The following CNBD1 variants were observed in gnomAD, a reference collection of about 807,000 sequenced individuals.
CNBD1 encodes cyclic nucleotide binding domain containing 1, also known as cyclic nucleotide-binding domain-containing protein 1.
Under a neutral mutation model 54.4 loss-of-function variants are expected in CNBD1, and 71 were observed. The ratio of observed to expected loss-of-function variants is 1.30; its 90% confidence interval spans 1.08 to 1.59. CNBD1 has a LOEUF of 1.59. Ranked by LOEUF, CNBD1 falls within the 40% of genes most tolerant of loss-of-function variation. The pLI is 0.00. For missense variants in CNBD1, 659 were observed against 518.0 expected (o/e 1.27, Z -2.64); for synonymous variants, 182 against 170.7 (o/e 1.07, Z -0.51).
intron 10 of CNBD1, among the ~76,000 whole-genome samples, chr8:87,374,419 T>C (rs1810882430): frequency 6.6e-6 from 1 of 151,856 alleles, no homozygotes; most frequent in Non-Finnish European, 1.5e-5. Context: ...TTTAAGATAG[T>C]TCCTTAAATC....
At chr8:87,002,588 CTT>C (rs757566782) in intron 4 of CNBD1, among the ~76,000 whole-genome samples, 2 of 143,296 alleles carry the variant, frequency 1.4e-5, no homozygotes, top group Non-Finnish European at 1.5e-5. Flanking sequence ...ATGCTGAAAC[CTT>C]TTTTTTTTTT....
At chr8:87,155,552 T>TA (rs1396848576) in intron 4 of CNBD1, among the ~76,000 whole-genome samples, 1 of 152,172 alleles carries the variant, frequency 6.6e-6, no homozygotes, top group Non-Finnish European at 1.5e-5. Context: ...GGAGACTGAT[T>TA]AGATGTATGA....
chr8:86,994,087 T>C (rs1029471490), intron 4 of CNBD1, among the ~76,000 whole-genome samples: 4 of 152,192 alleles, frequency 2.6e-5, no homozygotes, highest in Non-Finnish European at 5.9e-5. Flanking sequence ...GTTTCATCCC[T>C]CTCAGTACTC....
At chr8:87,324,978 G>T (rs866572982) in intron 8 of CNBD1, among the ~76,000 whole-genome samples, 1 of 105,368 alleles carries the variant, frequency 9.5e-6, no homozygotes, top group Non-Finnish European at 1.9e-5. Flanking sequence ...CTTTGAATGC[G>T]TCCCAGAGAT....
intron 4 of CNBD1, among the ~76,000 whole-genome samples, chr8:87,020,927 C>T (rs534973465): frequency 3.3e-5 from 5 of 152,280 alleles, no homozygotes; most frequent in African/African-American, 1.2e-4. Context: ...ACTTGGCCTC[C>T]ACAATCCTTT....
chr8:87,341,191 C>T (rs1029751968), intron 8 of CNBD1, among the ~76,000 whole-genome samples: 2 of 152,076 alleles, frequency 1.3e-5, no homozygotes, highest in Non-Finnish European at 2.9e-5. Context: ...ACCTCTTGCT[C>T]TCCCTAGTGT....
At chr8:87,410,648 G>A (rs184680083) in intron 2 of CNBD1, among the ~76,000 whole-genome samples, 1 of 152,154 alleles carries the variant, frequency 6.6e-6, no homozygotes, top group Non-Finnish European at 1.5e-5. Context: ...AGGATTGACT[G>A]ACAGGATTTG....
In CNBD1 at chr8:86,989,304, AATACATAC is replaced by A. The variant is rs60755421; in HGVS notation, c.431+49578_431+49585del. 3.4e-3 allele frequency among the ~76,000 whole-genome samples: 510 copies of A among 149,260 alleles called. 1 individual carries two copies. The highest frequency in any genetic ancestry group is 0.01 in the African/African-American group (406 of 40,352). Reference sequence around the variant, plus strand: ...GCAAGACAGCATCTCAAAACAAATAAATACATACATACATACATACATACATACATACA... The same window carrying A: ...GCAAGACAGCATCTCAAAACAAATAAATACATACATACATACATACATACA... On this transcript the variant is annotated intron_variant, in intron 4 of 10. Coordinates refer to ENST00000518476, the MANE Select transcript of CNBD1 (RefSeq NM_173538.3).
intron 6 of CNBD1, among the ~76,000 whole-genome samples, chr8:87,265,223 A>G (rs1265651120): frequency 2.0e-5 from 3 of 152,088 alleles, no homozygotes; most frequent in African/African-American, 7.2e-5. Context: ...ACATATGGCT[A>G]GCCAGTTTTC....
intron 4 of CNBD1, among the ~76,000 whole-genome samples, chr8:87,190,397 T>C (rs1813576174): frequency 6.6e-6 from 1 of 152,152 alleles, no homozygotes; most frequent in African/African-American, 2.4e-5. Flanking sequence ...CCATTATTTT[T>C]CCAGGTTGTA....
At chr8:87,043,862 T>A (rs758968736) in intron 4 of CNBD1, among the ~76,000 whole-genome samples, 13 of 152,230 alleles carry the variant, frequency 8.5e-5, no homozygotes, top group Non-Finnish European at 1.9e-4. Flanking sequence ...CTTTGCTATT[T>A]CATCCCTGCC....
chr8:86,894,261 C>T lies in CNBD1; in HGVS notation c.158+6650C>T, dbSNP rs13257758. Among the ~76,000 whole-genome samples the T allele has an allele frequency of 2.0e-5, 3 of 149,500 alleles. 1 individual carries two copies. Among genetic ancestry groups the T allele is most frequent in the Non-Finnish European group, 4.4e-5 (3 of 67,444 alleles). ...TATTTTTAGTAGAGACGGGGTTTCA[C>T]CTTGTTAGCCAGGATGGTCTCGATC... On this transcript the variant is annotated intron_variant, in intron 2 of 10. Coordinates refer to ENST00000518476, the MANE Select transcript of CNBD1 (RefSeq NM_173538.3).
intron 4 of CNBD1, among the ~76,000 whole-genome samples, chr8:86,982,902 A>G (rs1213297320): frequency 6.6e-6 from 1 of 152,226 alleles, no homozygotes; most frequent in East Asian, 1.9e-4. Flanking sequence ...AAGCTAATCC[A>G]TTAGCATATT....
rs549012912 is a variant in CNBD1 at position 87,346,013 on chromosome 8, A to G, written c.1043-5672A>G. On this transcript the variant is annotated intron_variant, in intron 8 of 10. Coordinates refer to ENST00000518476, the MANE Select transcript of CNBD1 (RefSeq NM_173538.3). ...TCATGGCCCTGATTATAATATAAAA[A>G]GTCATGTTTTGTTTAATTTTCTTTT... Among the ~76,000 whole-genome samples, 75 of 152,230 alleles carry G rather than the reference A, an allele frequency of 4.9e-4. 1 individual carries two copies. The Middle Eastern group carries it at 0.014, about 28-fold the overall frequency.
chr8:86,926,684 A>G (rs1809366505), intron 3 of CNBD1, among the ~76,000 whole-genome samples: 1 of 152,010 alleles, frequency 6.6e-6, no homozygotes, highest in Admixed American at 6.6e-5. Context: ...GGTGCAGAGT[A>G]CTCCCCTCTC....
intron 4 of CNBD1, among the ~76,000 whole-genome samples, chr8:87,091,139 CAAAAAAA>C (rs751329879): frequency 2.7e-5 from 2 of 74,064 alleles, no homozygotes; most frequent in South Asian, 5.5e-4. Flanking sequence ...GACTCTGTCT[CAAAAAAA>C]AAAAAAAAAA....
chr8:87,413,998 T>A (rs889720039), intron 2 of CNBD1, among the ~76,000 whole-genome samples: 13 of 152,030 alleles, frequency 8.6e-5, no homozygotes, highest in Non-Finnish European at 1.6e-4. Flanking sequence ...GAAATACCAT[T>A]TGACCCAGCC....
At chr8:87,149,794 A>C (rs975000615) in intron 4 of CNBD1, among the ~76,000 whole-genome samples, 5 of 152,140 alleles carry the variant, frequency 3.3e-5, no homozygotes, top group African/African-American at 1.2e-4. Context: ...TAGAAGGTGA[A>C]ATGATGGAGC....
At chr8:87,356,710 G>A (rs1008186494) in intron 10 of CNBD1, among the ~76,000 whole-genome samples, 20 of 152,272 alleles carry the variant, frequency 1.3e-4, no homozygotes, top group Admixed American at 6.5e-4. Flanking sequence ...GAGAAGGAAC[G>A]TGCATTTTCT....
Sources: allele counts gnomAD v4.1 joint callset (sites outside exome capture counted in the v4.1 genomes callset), GRCh38; gene constraint gnomAD v4.1.1; transcripts MANE v1.5; gene names NCBI Gene and HGNC (gene_info 2026-07-23, HGNC 2026-07-21).